Variants in HOXB3 observed in about 807,000 individuals in gnomAD.
HOXB3 encodes homeobox protein Hox-B3.
HOXB3 carries 17 observed loss-of-function variants against 29.2 expected under a neutral mutation model. The observed-to-expected ratio is 0.58, with a 90% CI of 0.40 to 0.87. HOXB3 has a LOEUF of 0.87. Among genes scored for constraint, HOXB3 ranks in the 40% least tolerant of loss-of-function variants. HOXB3 has a pLI of 0.00. For synonymous variants in HOXB3, 317 were observed against 285.9 expected (o/e 1.11, Z -1.10); for missense variants, 637 against 616.3 (o/e 1.03, Z -0.35).
intron 1 of HOXB3, chr17:48,581,617 C>A (rs933183327): frequency 1.3e-5 from 2 of 152,430 alleles, no homozygotes; most frequent in African/African-American, 4.8e-5. Flanking sequence ...TCCAACCCGT[C>A]GGCATTTCGG....
intron 1 of HOXB3, chr17:48,576,555 G>C: frequency 3.8e-6 from 2 of 521,852 alleles, no homozygotes; most frequent in East Asian, 6.4e-5. Context: ...TATAAATAAA[G>C]CTTCCCCTCC....
chr17:48,550,469 G>A lies in HOXB3; in HGVS notation c.1161C>T (p.Asn387=), dbSNP rs371742802. ...SHHPSGNLDY[N]GAPPMAPSQH... ...GGCTGGGCGCCATAGGGGGCGCCCCGTTGTAGTCCAGGTTCCCGGAAGGGT... is the reference window on the plus strand; with the variant it reads ...GGCTGGGCGCCATAGGGGGCGCCCCATTGTAGTCCAGGTTCCCGGAAGGGT... The change falls in exon 5 of 5, where the codon AAC becomes AAT. Residue 387 remains asparagine (N), a synonymous_variant. Transcript: ENST00000498678. 32 of 1,611,162 alleles carry A rather than the reference G, an allele frequency of 2.0e-5. No homozygotes were observed. Among genetic ancestry groups the A allele is most frequent in the African/African-American group, 2.7e-5 (2 of 74,724 alleles).
At chr17:48,566,085 G>A (rs148245782) in intron 2 of HOXB3, among the ~76,000 whole-genome samples, 56 of 152,318 alleles carry the variant, frequency 3.7e-4, no homozygotes, top group African/African-American at 1.3e-3. Context: ...AGAGTCAGCA[G>A]CTTTCTTAGA....
In HOXB3 at chr17:48,549,663, A is replaced by C. The variant is rs2068640420; in HGVS notation, c.*671T>G. The C allele has an allele frequency of 2.0e-5, 3 of 152,566 alleles. No homozygotes were observed. The highest frequency in any genetic ancestry group is 7.2e-5 in the African/African-American group (3 of 41,408). The allele number at this position is 152,566 out of a possible 1,614,324, so 9.5% of individuals were successfully genotyped here. ...TAAAAAAAAATGTATATAATTTATA[A>C]TATAGGCAGCTCTTTCAGGATCTCT... On this transcript the variant is annotated 3_prime_UTR_variant, in exon 5 of 5. Coordinates refer to ENST00000498678, the MANE Select transcript of HOXB3 (RefSeq NM_001384749.1).
intron 1 of HOXB3, among the ~76,000 whole-genome samples, chr17:48,583,876 A>T (rs1381741956): frequency 6.6e-6 from 1 of 152,232 alleles, no homozygotes; most frequent in African/African-American, 2.4e-5. Context: ...CCCTGGGTTA[A>T]ATCTATTTGA....
At chr17:48,575,155 A>C (rs79057155) in intron 1 of HOXB3, 1 of 152,254 alleles carries the variant, frequency 6.6e-6, no homozygotes, top group Non-Finnish European at 1.5e-5. Flanking sequence ...TTATTTGCTT[A>C]TGACAAATAA....
intron 1 of HOXB3, among the ~76,000 whole-genome samples, chr17:48,588,059 T>C (rs941745552): frequency 1.4e-4 from 22 of 152,078 alleles, no homozygotes; most frequent in African/African-American, 5.3e-4. Flanking sequence ...GCAGCTCTCT[T>C]AGAGGGAGAC....
chr17:48,588,479 G>T (rs9898155), intron 1 of HOXB3, among the ~76,000 whole-genome samples: 5,818 of 152,318 alleles, frequency 0.038, 179 homozygotes, highest in African/African-American at 0.087. Context: ...AGAAAGGGAA[G>T]TATATTAGAG....
intron 1 of HOXB3, among the ~76,000 whole-genome samples, chr17:48,588,012 G>A (rs1290717652): frequency 2.0e-5 from 3 of 152,342 alleles, no homozygotes; most frequent in East Asian, 3.9e-4. Flanking sequence ...GAAAGCAGGT[G>A]GGAGAGGAGG....
intron 1 of HOXB3, chr17:48,575,325 A>G (rs41304766): frequency 2.0e-5 from 3 of 152,210 alleles, no homozygotes; most frequent in African/African-American, 4.8e-5. Flanking sequence ...CACCCACCCT[A>G]AAAGGAAAAC....
intron 3 of HOXB3, 169 bp downstream of exon 3, chr17:48,555,362 G>T (rs2068934588): frequency 2.5e-6 from 1 of 393,302 alleles, no homozygotes; most frequent in African/African-American, 5.2e-5. Flanking sequence ...GAGAGAGAGA[G>T]AGGGAGGGAG....
Position 48,573,943 on chromosome 17 carries a change from T to A in HOXB3, c.-353A>T, listed in dbSNP as rs2069672470. On this transcript the variant is annotated 5_prime_UTR_variant, in exon 2 of 5. Coordinates refer to ENST00000498678, the MANE Select transcript of HOXB3 (RefSeq NM_001384749.1). ...AGTTTTCAACTTTATGGTTCCAAAT[T>A]TTTTCCCCCTTGCAGATCCGGGAGA... 7 of 696,050 alleles carry A rather than the reference T, an allele frequency of 1.0e-5. No homozygotes were observed. Among genetic ancestry groups the A allele is most frequent in the East Asian group, 8.1e-5 (3 of 37,232 alleles). The allele number at this position is 696,050 out of a possible 1,614,324, so 43.1% of individuals were successfully genotyped here.
intron 3 of HOXB3, chr17:48,553,870 T>G (rs1463149419): frequency 6.6e-6 from 1 of 152,260 alleles, no homozygotes; most frequent in Admixed American, 6.5e-5. Flanking sequence ...ACCTCCATAC[T>G]GCCATGTGTG....
At chr17:48,577,071 A>G in intron 1 of HOXB3, 1 of 1,493,570 alleles carries the variant, frequency 6.7e-7, no homozygotes, top group Non-Finnish European at 9.0e-7. Context: ...TGCCCCCGAA[A>G]GAGAGAGTCC....
intron 2 of HOXB3, among the ~76,000 whole-genome samples, chr17:48,569,271 C>T (rs1042644960): frequency 5.3e-5 from 8 of 152,076 alleles, no homozygotes; most frequent in African/African-American, 1.9e-4. Context: ...ATGACCTTCC[C>T]CTTCAGGAGG....
rs759938777 is a variant in HOXB3 at position 48,552,088 on chromosome 17, T to C, written c.387A>G (p.Ile129Met). The C allele has an allele frequency of 6.2e-7, 1 of 1,611,030 alleles. No homozygotes were observed. The highest frequency in any genetic ancestry group is 8.5e-7 in the Non-Finnish European group (1 of 1,177,866). The change falls in exon 4 of 5, where the codon ATA (isoleucine) becomes ATG (methionine). Residue 129 changes from isoleucine to methionine, a missense_variant. By Grantham distance (10) the Ile-to-Met change is conservative. Transcript: ENST00000498678. ...PGTNSTLTKQ[I>M]FPWMKESRQT... Reference sequence around the variant, plus strand: ...GCCTCGACTCTTTCATCCAGGGGAATATCTGTTTGGTGAGGGTGGAGTTGG... The same window carrying C: ...GCCTCGACTCTTTCATCCAGGGGAACATCTGTTTGGTGAGGGTGGAGTTGG...
chr17:48,589,578 T>C lies in HOXB3; in HGVS notation c.-425+547A>G, dbSNP rs2070109350. On this transcript the variant is annotated intron_variant, in intron 1 of 4. Coordinates refer to ENST00000498678, the MANE Select transcript of HOXB3 (RefSeq NM_001384749.1). The stretch of plus-strand genomic sequence containing the variant: ...CCAAAGATAACCGGAGGGACCTCTT[T>C]TTATGGGCTTCAAAGATCGGAAAGC... Among the ~76,000 whole-genome samples, 4 of 152,238 alleles carry C rather than the reference T, an allele frequency of 2.6e-5. No homozygotes were observed. The South Asian group carries it at 8.3e-4, about 32-fold the overall frequency.
At position 48,550,990 on chromosome 17, in the gene HOXB3, A is replaced by C; in HGVS notation, c.640T>G (p.Cys214Gly). The change falls in exon 5 of 5, where the codon TGC (cysteine) becomes GGC (glycine). Residue 214 changes from cysteine to glycine, a missense_variant. Cys to Gly is a radical substitution (Grantham distance 159). Transcript: ENST00000498678. Reference protein sequence around the residue: ...EKEFHFNRYLCRPRRVEMANL... With the variant: ...EKEFHFNRYLGRPRRVEMANL... ...GCCATCTCTACACGGCGAGGCCGGC[A>C]CAGGTAGCGGTTAAAATGGAACTCC... 1 of 1,613,598 alleles carries C rather than the reference A, an allele frequency of 6.2e-7. No homozygotes were observed. Among genetic ancestry groups the C allele is most frequent in the Non-Finnish European group, 8.5e-7 (1 of 1,179,696 alleles).
intron 2 of HOXB3, among the ~76,000 whole-genome samples, chr17:48,564,856 C>T (rs1359668918): frequency 6.6e-6 from 1 of 152,192 alleles, no homozygotes; most frequent in Non-Finnish European, 1.5e-5. Flanking sequence ...TAGGAAGGAT[C>T]AGACGGGCGA....
Sources: allele counts gnomAD v4.1 joint callset (sites outside exome capture counted in the v4.1 genomes callset), GRCh38; gene constraint gnomAD v4.1.1; transcripts MANE v1.5; gene names NCBI Gene and HGNC (gene_info 2026-07-23, HGNC 2026-07-21).